PFKL: variants seen among roughly 807,000 people sequenced by gnomAD.
PFKL encodes the protein phosphofructokinase, liver type, also known as ATP-dependent 6-phosphofructokinase, liver type.
Under a neutral mutation model 92.1 loss-of-function variants are expected in PFKL, and 74 were observed. The observed-to-expected ratio is 0.80, with a 90% CI of 0.67 to 0.97. The LOEUF (loss-of-function observed/expected upper bound fraction) is 0.97. PFKL is among the 50% of genes least tolerant of loss of function. PFKL has a pLI of 0.00. For synonymous variants in PFKL, 494 were observed against 456.4 expected (o/e 1.08, Z -1.05); for missense variants, 1,028 against 1,116.6 (o/e 0.92, Z 1.13).
At chr21:44,317,154 C>T (rs1449432357) in intron 9 of PFKL, among the ~76,000 whole-genome samples, 1 of 152,154 alleles carries the variant, frequency 6.6e-6, no homozygotes, top group Non-Finnish European at 1.5e-5. Context: ...GGGTCTGGGG[C>T]CAGGAAGGCA....
At chr21:44,319,953 G>T (rs774035740) in intron 11 of PFKL, 131 bp from the exon 12 acceptor site, 9 of 783,598 alleles carry the variant, frequency 1.1e-5, no homozygotes, top group Non-Finnish European at 1.7e-5. Flanking sequence ...CGCGGTGTCT[G>T]CTGCCTCATG....
In PFKL at chr21:44,319,354, A is replaced by G. The variant is rs1426204775; in HGVS notation, c.1066A>G (p.Lys356Glu). 1 of 1,613,422 alleles carries G rather than the reference A, an allele frequency of 6.2e-7. No homozygotes were observed. Among genetic ancestry groups the G allele is most frequent in the Admixed American group, 1.7e-5 (1 of 60,014 alleles). Residue 356 changes from lysine (K) to glutamate (E), a missense_variant, in exon 11 of 22, where the codon AAG (lysine) becomes GAG (glutamate). By Grantham distance (56) the Lys-to-Glu change is moderately conservative. Transcript: ENST00000349048. Reference protein sequence around the residue: ...LPLMECVQMTKEVQKAMDDKR... With the variant: ...LPLMECVQMTEEVQKAMDDKR... ...TGTTCTGTTTCTCTTCCTTAAGACC[A>G]AGGAAGTGCAGAAAGCCATGGATGA... is the stretch of plus-strand genomic sequence containing the variant.
Position 44,326,754 on chromosome 21 carries a change from G to A in PFKL, c.2235G>A (p.Arg745=). ...MPREQWWLSL[R]LMLKMLAQYR... is the part of the protein sequence containing the mutation. ...GGGAGCAGTGGTGGCTGAGCCTGCG[G>A]CTCATGCTGAAGATGCTGGCACAAT... The change falls in exon 22 of 22, where the codon CGG becomes CGA. Residue 745 remains arginine (R), a synonymous_variant. Transcript: ENST00000349048. 6.2e-7 allele frequency: 1 copy of A among 1,611,456 alleles called. No homozygotes were observed. Among genetic ancestry groups the A allele is most frequent in the Non-Finnish European group, 8.5e-7 (1 of 1,179,438 alleles).
At chr21:44,326,524 G>C (rs2047515980) in intron 21 of PFKL, among the ~76,000 whole-genome samples, 191 bp from the exon 22 acceptor site, 1 of 152,252 alleles carries the variant, frequency 6.6e-6, no homozygotes, top group African/African-American at 2.4e-5. Flanking sequence ...GGGCGGCTGA[G>C]GCTGACTCTG....
At chr21:44,315,496 G>A (rs1052130385) in intron 7 of PFKL, 1 of 152,560 alleles carries the variant, frequency 6.6e-6, no homozygotes, top group African/African-American at 2.4e-5. Context: ...CCCGGGCCCT[G>A]TCTGAGCTGC....
intron 1 of PFKL, chr21:44,305,818 G>C: frequency 7.3e-7 from 1 of 1,366,888 alleles, no homozygotes; most frequent in Non-Finnish European, 9.8e-7. Flanking sequence ...CTTTGCCAAG[G>C]CCCCCGCTGG....
In PFKL at chr21:44,313,966, C is replaced by G. The variant is rs772974831; in HGVS notation, c.692C>G (p.Pro231Arg). Reference protein sequence around the residue: ...LASGADWLFIPEAPPEDGWEN... With the variant: ...LASGADWLFIREAPPEDGWEN... ...TCAGGGGCCGACTGGCTGTTCATCC[C>G]CGAGGCTCCACCCGAGGACGGCTGG... Residue 231 changes from proline (P) to arginine (R), a missense_variant, in exon 7 of 22, where the codon CCC becomes CGC. By Grantham distance (103) the Pro-to-Arg change is moderately radical (BLOSUM62 -2). Transcript: ENST00000349048. 3 of 1,608,588 alleles carry G rather than the reference C, an allele frequency of 1.9e-6. No individual in the cohort carries two copies. Among genetic ancestry groups the G allele is most frequent in the Non-Finnish European group, 2.5e-6 (3 of 1,178,664 alleles).
Position 44,324,466 on chromosome 21 carries a change from C to T in PFKL, c.1651-25C>T, listed in dbSNP as rs145841915. Reference sequence around the variant, plus strand: ...CAGGGAAGGGTGGGCACGTGGAGGACCCCCGACCCCCCCTTGTCCCCCAGA... The same window carrying T: ...CAGGGAAGGGTGGGCACGTGGAGGATCCCCGACCCCCCCTTGTCCCCCAGA... On this transcript the variant is annotated intron_variant, in intron 16 of 21. Coordinates refer to ENST00000349048, the MANE Select transcript of PFKL (RefSeq NM_002626.6). 3.6e-4 allele frequency: 572 copies of T among 1,610,698 alleles called. 1 individual carries two copies. In the African/African-American group the frequency reaches 6.7e-3, roughly 19 times the overall value.
At chr21:44,311,341 TACAGACACACAGACGTGCAC>T (rs567703789) in intron 3 of PFKL, among the ~76,000 whole-genome samples, 29 of 141,078 alleles carry the variant, frequency 2.1e-4, no homozygotes, top group Non-Finnish European at 3.4e-4. Context: ...CATGCACACA[TACAGACACACAGACGTGCAC>T]ACAGACACAC....
At chr21:44,317,982 G>A (rs967672707) in intron 9 of PFKL, among the ~76,000 whole-genome samples, 2 of 152,278 alleles carry the variant, frequency 1.3e-5, no homozygotes, top group African/African-American at 4.8e-5. Flanking sequence ...CTTGTCCACT[G>A]TGGCCGGTTC....
intron 1 of PFKL, among the ~76,000 whole-genome samples, chr21:44,303,414 AAAAAAAAACAGACTTGACC>A: frequency 7.0e-6 from 1 of 143,482 alleles, no homozygotes; most frequent in Admixed American, 6.9e-5. Context: ...CTGTCTCAAA[AAAAAAAAACAGACTTGACC>A]AAAAAAAAAA....
intron 1 of PFKL, among the ~76,000 whole-genome samples, 193 bp from the exon 2 acceptor site, chr21:44,306,488 G>T (rs1173083195): frequency 2.6e-5 from 4 of 151,996 alleles, no homozygotes; most frequent in Non-Finnish European, 4.4e-5. Context: ...CTGAGATGGG[G>T]AGGGCGTCCG....
intron 2 of PFKL, among the ~76,000 whole-genome samples, chr21:44,308,641 A>C (rs2041024944): frequency 1.3e-5 from 2 of 149,282 alleles, no homozygotes; most frequent in South Asian, 4.2e-4. Flanking sequence ...GGCTCGCTGC[A>C]ACCTCTGCCT....
intron 2 of PFKL, among the ~76,000 whole-genome samples, chr21:44,307,641 G>C (rs1048710750): frequency 6.6e-6 from 1 of 152,192 alleles, no homozygotes; most frequent in Non-Finnish European, 1.5e-5. Flanking sequence ...ACAGCAGCCT[G>C]TCCAGCCCTC....
At chr21:44,325,676 C>T (rs987298039) in intron 19 of PFKL, 3 of 511,890 alleles carry the variant, frequency 5.9e-6, no homozygotes, top group South Asian at 2.5e-5. Context: ...TGATGGGGCC[C>T]GAGGTGGGGC....
At position 44,318,479 on chromosome 21, in the gene PFKL, A is replaced by G. The variant is rs751531655; in HGVS notation, c.946A>G (p.Met316Val). 30 of 1,549,560 alleles carry G rather than the reference A, an allele frequency of 1.9e-5. No individual in the cohort carries two copies. The highest frequency in any genetic ancestry group is 4.1e-5 in the African/African-American group (3 of 72,690). ...GAACCCTTCCCCACAGAGCAGCAAG[A>G]TGGGCATGGAGGCGGTGATGGCGCT... The part of the protein sequence containing the change: ...SAFDRILSSK[M>V]GMEAVMALLE... The change falls in exon 10 of 22, where the codon ATG becomes GTG. Residue 316 changes from methionine to valine, a missense_variant. By Grantham distance (21) the Met-to-Val change is conservative. Transcript: ENST00000349048.
At chr21:44,303,018 A>C (rs1374419566) in intron 1 of PFKL, among the ~76,000 whole-genome samples, 1 of 152,112 alleles carries the variant, frequency 6.6e-6, no homozygotes, top group Non-Finnish European at 1.5e-5. Flanking sequence ...GGATCACCTG[A>C]GGTTAGGAGT....
intron 7 of PFKL, 137 bp downstream of exon 7, chr21:44,314,158 C>CACCT: frequency 1.5e-6 from 1 of 661,998 alleles, no homozygotes; most frequent in Non-Finnish European, 2.6e-6. Context: ...CCCTTGGGGG[C>CACCT]GGGACACGCA....
At chr21:44,318,310 G>T (rs1396005429) in intron 9 of PFKL, among the ~76,000 whole-genome samples, 160 bp from the exon 10 acceptor site, 3 of 152,238 alleles carry the variant, frequency 2.0e-5, no homozygotes, top group African/African-American at 7.2e-5. Context: ...CGTCGTGAAT[G>T]CTGGTCAGAC....
Sources: allele counts gnomAD v4.1 joint callset (sites outside exome capture counted in the v4.1 genomes callset), GRCh38; gene constraint gnomAD v4.1.1; transcripts MANE v1.5; gene names NCBI Gene and HGNC (gene_info 2026-07-23, HGNC 2026-07-21).